The following EPM2A variants were observed in gnomAD, a reference collection of about 807,000 sequenced individuals.
EPM2A encodes EPM2A glucan phosphatase, laforin.
EPM2A carries 21 observed loss-of-function variants against 26.5 expected under a neutral mutation model. The ratio of observed to expected loss-of-function variants is 0.79; its 90% CI spans 0.56 to 1.14. The LOEUF (loss-of-function observed/expected upper bound fraction) is 1.14, where lower values mean the gene tolerates loss of function less well. EPM2A is among the 50% of genes most tolerant of loss of function. The probability of loss-of-function intolerance (pLI) is 0.00; values close to 1 mark genes in which losing one functional copy is unlikely to be tolerated. For missense variants in EPM2A, 458 were observed against 440.8 expected (o/e 1.04, Z -0.35); for synonymous variants, 217 against 177.6 (o/e 1.22, Z -1.76).
chr6:145,702,139 C>T (rs1241856984), intron 1 of EPM2A, among the ~76,000 whole-genome samples: 2 of 152,198 alleles, frequency 1.3e-5, no homozygotes, highest in African/African-American at 4.8e-5. Context: ...CTCTTACTTC[C>T]CTATTCATTC....
chr6:145,582,838 G>A (rs1470246229), intron 2 of EPM2A, among the ~76,000 whole-genome samples: 1 of 152,156 alleles, frequency 6.6e-6, no homozygotes, highest in African/African-American at 2.4e-5. Context: ...GGTCTCAGAA[G>A]TTTTGCTACT....
At chr6:145,467,481 G>T (rs1779414419) in intron 4 of EPM2A, among the ~76,000 whole-genome samples, 1 of 151,978 alleles carries the variant, frequency 6.6e-6, no homozygotes, top group Non-Finnish European at 1.5e-5. Flanking sequence ...GTTTAAGTAG[G>T]GTAGGTTTAG....
intron 2 of EPM2A, among the ~76,000 whole-genome samples, chr6:145,577,328 A>T (rs1781045130): frequency 7.2e-6 from 1 of 139,782 alleles, no homozygotes; most frequent in Non-Finnish European, 1.6e-5. Flanking sequence ...TAGACTGAAA[A>T]TGAAGGAATG....
chr6:145,729,765 C>T (rs9485020), intron 1 of EPM2A, among the ~76,000 whole-genome samples: 135 of 152,144 alleles, frequency 8.9e-4, no homozygotes, highest in African/African-American at 3.1e-3. Flanking sequence ...TTTGGGGGAC[C>T]GTTGAGAAGG....
intron 1 of EPM2A, among the ~76,000 whole-genome samples, chr6:145,689,016 GAATT>G (rs1781108366): frequency 6.6e-6 from 1 of 152,104 alleles, no homozygotes; most frequent in South Asian, 2.1e-4. Context: ...TACAACAATT[GAATT>G]ATTACCTATT....
chr6:145,520,248 C>T (rs1780185940), intron 2 of EPM2A, among the ~76,000 whole-genome samples: 1 of 152,150 alleles, frequency 6.6e-6, no homozygotes. Context: ...ATTCACTTTT[C>T]TGCCTGTTGC....
At chr6:145,523,941 C>A (rs1330741123) in intron 2 of EPM2A, among the ~76,000 whole-genome samples, 3 of 152,112 alleles carry the variant, frequency 2.0e-5, no homozygotes, top group Non-Finnish European at 4.4e-5. Flanking sequence ...ATCTCTGTCT[C>A]CCACCTCTAG....
chr6:145,457,821 C>T (rs1779280885), intron 4 of EPM2A, among the ~76,000 whole-genome samples: 2 of 152,126 alleles, frequency 1.3e-5, no homozygotes, highest in African/African-American at 4.8e-5. Context: ...ATGATAAAAC[C>T]TTTGTATTTG....
chr6:145,392,185 G>A (rs1778345792), intron 4 of EPM2A, among the ~76,000 whole-genome samples: 1 of 152,154 alleles, frequency 6.6e-6, no homozygotes, highest in South Asian at 2.1e-4. Flanking sequence ...TTTGTTTATT[G>A]GCACAATTAG....
downstream of EPM2A, among the ~76,000 whole-genome samples, chr6:145,621,533 T>G (rs990066971): frequency 6.6e-6 from 1 of 152,210 alleles, no homozygotes; most frequent in Non-Finnish European, 1.5e-5. Context: ...CCATAACGGC[T>G]GTACTGATTT....
chr6:145,513,229 T>C (rs1780079824), intron 2 of EPM2A, among the ~76,000 whole-genome samples: 1 of 152,056 alleles, frequency 6.6e-6, no homozygotes, highest in South Asian at 2.1e-4. Context: ...AACAACTTCA[T>C]TAAAAACTTG....
chr6:145,480,821 G>A (rs1482685541), intron 4 of EPM2A, among the ~76,000 whole-genome samples: 2 of 151,896 alleles, frequency 1.3e-5, no homozygotes, highest in African/African-American at 4.8e-5. Flanking sequence ...CTAATCTTAA[G>A]TCTTTTGGGG....
intron 2 of EPM2A, among the ~76,000 whole-genome samples, chr6:145,668,165 A>T (rs900640273): frequency 1.6e-4 from 8 of 49,274 alleles, no homozygotes; most frequent in Admixed American, 8.5e-4. Flanking sequence ...AAAGTATAAT[A>T]AAAAAAAAAG....
intron 4 of EPM2A, among the ~76,000 whole-genome samples, chr6:145,477,828 T>C (rs1255632300): frequency 2.0e-5 from 3 of 151,882 alleles, no homozygotes; most frequent in East Asian, 1.9e-4. Context: ...AATATTATAC[T>C]GAATGGGGAG....
intron 1 of EPM2A, among the ~76,000 whole-genome samples, chr6:145,734,020 T>C (rs1776661784): frequency 6.6e-6 from 1 of 151,846 alleles, no homozygotes; most frequent in Non-Finnish European, 1.5e-5. Flanking sequence ...AATCACCCTT[T>C]TAGGGCATAA....
intron 1 of EPM2A, among the ~76,000 whole-genome samples, chr6:145,718,448 C>T (rs962839645): frequency 6.0e-5 from 9 of 151,250 alleles, no homozygotes; most frequent in Non-Finnish European, 8.8e-5. Context: ...CCCTTCCTTA[C>T]ACTTTATACA....
rs369664023 is a variant in EPM2A at position 145,560,885 on chromosome 6, AATT to A, written c.341-58313_341-58311del. On this transcript the variant is annotated intron_variant, in intron 2 of 3. Coordinates refer to the EPM2A transcript ENST00000450221. Reference sequence around the variant, plus strand: ...TTATTATTTAATTATTTTAATAACCAATTATTATTATTTTTATCATTGTGTGTT... The same window carrying A: ...TTATTATTTAATTATTTTAATAACCAATTATTATTTTTATCATTGTGTGTT... Among the ~76,000 whole-genome samples the A allele has an allele frequency of 6.3e-3, 959 of 152,130 alleles. 12 individuals carry two copies. Among genetic ancestry groups the A allele is most frequent in the African/African-American group, 0.015 (621 of 41,524 alleles).
intron 1 of EPM2A, among the ~76,000 whole-genome samples, chr6:145,714,980 A>T (rs1036573568): frequency 6.6e-6 from 1 of 152,142 alleles, no homozygotes; most frequent in African/African-American, 2.4e-5. Context: ...AGTCGTGGTG[A>T]TGGGTTATAT....
chr6:145,527,599 C>A (rs1318478465), intron 2 of EPM2A, among the ~76,000 whole-genome samples: 2 of 152,002 alleles, frequency 1.3e-5, no homozygotes, highest in Non-Finnish European at 2.9e-5. Context: ...AGAATAGCAT[C>A]CTCTGCTCAT....
Sources: gnomAD v4.1 joint callset for allele counts (sites outside exome capture counted in the v4.1 genomes callset) on GRCh38, gnomAD v4.1.1 for gene constraint, MANE v1.5 for transcripts, NCBI Gene and HGNC (gene_info 2026-07-23, HGNC 2026-07-21) for gene names.